SRBD1: variants seen among roughly 807,000 people sequenced by gnomAD.
The protein encoded by SRBD1 is S1 RNA-binding domain-containing protein 1.
In SRBD1, 88 loss-of-function variants were observed where a neutral mutation model predicts 115.3. That is an observed-to-expected ratio of 0.76 (90% CI 0.64 to 0.91). SRBD1 has a LOEUF of 0.91. SRBD1 is among the 40% of genes least tolerant of loss of function. The pLI is 0.00. For missense variants in SRBD1, 1,385 were observed against 1,177.4 expected (o/e 1.18, Z -2.58); for synonymous variants, 509 against 407.7 (o/e 1.25, Z -2.99).
chr2:45,466,228 G>C (rs893363681), intron 16 of SRBD1, among the ~76,000 whole-genome samples: 4 of 152,090 alleles, frequency 2.6e-5, no homozygotes, highest in African/African-American at 7.2e-5. Flanking sequence ...AAATGTAGGG[G>C]AACAACTCCT....
chr2:45,430,647 G>C (rs1370180259), intron 16 of SRBD1, among the ~76,000 whole-genome samples: 1 of 152,110 alleles, frequency 6.6e-6, no homozygotes. Context: ...ATTAACTCAA[G>C]ATGGATTAAA....
rs117447411 is a variant in SRBD1 at position 45,596,861 on chromosome 2, C to T, written c.648+2588G>A. Among the ~76,000 whole-genome samples, 361 of 151,964 alleles carry T rather than the reference C, an allele frequency of 2.4e-3. 5 individuals carry two copies. In the East Asian group the frequency reaches 0.044, roughly 18 times the overall value. On this transcript the variant is annotated intron_variant, in intron 4 of 20. Coordinates refer to ENST00000263736, the MANE Select transcript of SRBD1 (RefSeq NM_018079.5). ...TATAAATTTACATTCTAAAGCTGAA[C>T]CCTGAAGTAGACATCTTCTGGCCCA... is the stretch of plus-strand genomic sequence containing the variant.
Position 45,419,872 on chromosome 2 carries a change from A to G in SRBD1, c.2072T>C (p.Leu691Pro). Residue 691 changes from leucine to proline, a missense_variant, in exon 17 of 21, where the codon CTC becomes CCC. Leu to Pro is a moderately conservative substitution (Grantham distance 98). Transcript: ENST00000263736. ...MYQHDVSQTL[L>P]KATLDSVVEE... ...TACAACACTGTCCAGTGTTGCCTTG[A>G]GTAAAGTCTGGGATACGTCATGCTG... 6.2e-7 allele frequency: 1 copy of G among 1,613,544 alleles called. No individual in the cohort carries two copies.
Position 45,546,951 on chromosome 2 carries a change from T to C in SRBD1, c.1767-112A>G, listed in dbSNP as rs1026391294. 6.0e-6 allele frequency: 6 copies of C among 998,018 alleles called. No individual in the cohort carries two copies. In the African/African-American group the frequency reaches 8.0e-5, roughly 13 times the overall value. The allele number at this position is 998,018 out of a possible 1,614,324, so 61.8% of individuals were successfully genotyped here. ...ATTATATGATTCTCTTATTCTCTCATATATACAAGCAACCTGTCCACTGTT... is the reference window on the plus strand; with the variant it reads ...ATTATATGATTCTCTTATTCTCTCACATATACAAGCAACCTGTCCACTGTT... On this transcript the variant is annotated intron_variant, in intron 13 of 20. Coordinates refer to ENST00000263736, the MANE Select transcript of SRBD1 (RefSeq NM_018079.5).
chr2:45,602,227 T>A, intron 2 of SRBD1, 144 bp from the exon 3 acceptor site: 2 of 956,028 alleles, frequency 2.1e-6, no homozygotes, highest in East Asian at 2.6e-5. Flanking sequence ...CTGTGAACAG[T>A]TATTGCTAAG....
chr2:45,568,404 G>A (rs1672903331), intron 9 of SRBD1, among the ~76,000 whole-genome samples: 1 of 152,138 alleles, frequency 6.6e-6, no homozygotes, highest in Admixed American at 6.6e-5. Context: ...GAAAAGTAAG[G>A]TTCAGATTTA....
intron 14 of SRBD1, among the ~76,000 whole-genome samples, chr2:45,541,086 G>A (rs1413783795): frequency 6.6e-6 from 1 of 152,242 alleles, no homozygotes; most frequent in African/African-American, 2.4e-5. Flanking sequence ...GGGTGAGCCA[G>A]GCGTAGTGCG....
intron 19 of SRBD1, among the ~76,000 whole-genome samples, chr2:45,399,024 G>C (rs1313118088): frequency 2.0e-5 from 3 of 151,806 alleles, no homozygotes; most frequent in Admixed American, 1.3e-4. Context: ...TAAAATATCA[G>C]TCTTCTCACA....
At chr2:45,521,284 A>AAAACACACACACAC (rs1553345456) in intron 14 of SRBD1, among the ~76,000 whole-genome samples, 2 of 78,802 alleles carry the variant, frequency 2.5e-5, no homozygotes, top group Non-Finnish European at 4.9e-5. Context: ...AACAAAAAGG[A>AAAACACACACACAC]AAACACACAC....
At chr2:45,514,860 T>C (rs1468349238) in intron 14 of SRBD1, among the ~76,000 whole-genome samples, 7 of 152,202 alleles carry the variant, frequency 4.6e-5, no homozygotes, top group Non-Finnish European at 1.5e-5. Context: ...CTTACAAATT[T>C]AATGGCACTA....
At chr2:45,544,119 G>C (rs559285856) in intron 14 of SRBD1, among the ~76,000 whole-genome samples, 35 of 151,512 alleles carry the variant, frequency 2.3e-4, no homozygotes, top group South Asian at 1.2e-3. Flanking sequence ...TGTAGTCCCA[G>C]CTACTCGGGA....
intron 16 of SRBD1, among the ~76,000 whole-genome samples, chr2:45,434,134 G>A (rs1252712672): frequency 6.6e-6 from 1 of 152,238 alleles, no homozygotes; most frequent in East Asian, 1.9e-4. Flanking sequence ...CATCAGATTT[G>A]CATGAACCTA....
chr2:45,468,388 C>CTT lies in SRBD1; in HGVS notation c.2049+8603_2049+8604dup, dbSNP rs80336252. 6.9e-4 allele frequency among the ~76,000 whole-genome samples: 96 copies of CTT among 139,222 alleles called. 1 individual carries two copies. Among genetic ancestry groups the CTT allele is most frequent in the African/African-American group, 2.1e-3 (78 of 37,824 alleles). 91.3% of individuals were successfully genotyped at this position (139,222 alleles called of 152,430 possible). A position where few individuals can be genotyped will look rare whatever the true frequency, so the allele number is the denominator to read the frequency against. ...CTACTATAAATATTGCTTCAATGAA[C>CTT]TTTTTTTTTTTTTTTTTGACACAGG... On this transcript the variant is annotated intron_variant, in intron 16 of 20. Coordinates refer to ENST00000263736, the MANE Select transcript of SRBD1 (RefSeq NM_018079.5).
intron 14 of SRBD1, among the ~76,000 whole-genome samples, chr2:45,507,863 T>G (rs894683188): frequency 1.8e-4 from 27 of 152,186 alleles, no homozygotes; most frequent in Non-Finnish European, 4.4e-5. Flanking sequence ...GGGCCTAATT[T>G]TTGGCAAATA....
chr2:45,496,915 A>G (rs1022084474), intron 14 of SRBD1, among the ~76,000 whole-genome samples: 4 of 152,110 alleles, frequency 2.6e-5, no homozygotes, highest in Admixed American at 2.0e-4. Context: ...GCTAATGCTG[A>G]AAAAAAATCC....
intron 16 of SRBD1, among the ~76,000 whole-genome samples, chr2:45,435,396 C>T (rs1668462567): frequency 6.6e-6 from 1 of 151,954 alleles, no homozygotes; most frequent in Non-Finnish European, 1.5e-5. Flanking sequence ...GAGAAACAGA[C>T]TGGAGGTTGG....
chr2:45,518,304 G>GC (rs776666238), intron 14 of SRBD1, among the ~76,000 whole-genome samples: 41 of 152,274 alleles, frequency 2.7e-4, no homozygotes, highest in Middle Eastern at 3.4e-3. Flanking sequence ...GTGCGATACT[G>GC]CCCCTTCAAA....
intron 3 of SRBD1, among the ~76,000 whole-genome samples, chr2:45,600,329 G>C (rs1226179091): frequency 1.3e-5 from 2 of 152,024 alleles, no homozygotes; most frequent in Non-Finnish European, 2.9e-5. Flanking sequence ...TGGATAAAGA[G>C]TACATGGAAT....
At chr2:45,531,341 T>G (rs1671605326) in intron 14 of SRBD1, among the ~76,000 whole-genome samples, 2 of 152,016 alleles carry the variant, frequency 1.3e-5, no homozygotes, top group East Asian at 3.9e-4. Flanking sequence ...TATATGACTT[T>G]AAAGCATTTC....
Sources: gnomAD v4.1 joint callset for allele counts (sites outside exome capture counted in the v4.1 genomes callset) on GRCh38, gnomAD v4.1.1 for gene constraint, MANE v1.5 for transcripts, NCBI Gene and HGNC (gene_info 2026-07-23, HGNC 2026-07-21) for gene names.